Variants in SHC3 observed in about 807,000 individuals in gnomAD.
The protein encoded by SHC3 is SHC adaptor protein 3.
SHC3 carries 15 observed loss-of-function variants against 60.4 expected under a neutral mutation model. The observed-to-expected ratio is 0.25, with a 90% CI of 0.17 to 0.38. The LOEUF (loss-of-function observed/expected upper bound fraction) is 0.38, where lower values mean the gene tolerates loss of function less well. SHC3 is among the 10% of genes least tolerant of loss of function. SHC3 has a pLI of 1.00. For synonymous variants in SHC3, 294 were observed against 325.9 expected, an observed-to-expected ratio of 0.90 and a Z score of 1.05; for missense variants, 677 against 786.1, an observed-to-expected ratio of 0.86 and a Z score of 1.66.
intron 11 of SHC3, among the ~76,000 whole-genome samples, chr9:89,029,456 G>A (rs1467575562): frequency 3.9e-5 from 6 of 152,126 alleles, no homozygotes; most frequent in Non-Finnish European, 1.5e-5. Flanking sequence ...TTAATCAAAA[G>A]TGACTGAAAA....
chr9:89,162,542 G>A (rs1194461863), intron 1 of SHC3, among the ~76,000 whole-genome samples: 2 of 152,192 alleles, frequency 1.3e-5, no homozygotes. Flanking sequence ...CTAGCCATAT[G>A]TAGAAAGCTG....
At chr9:89,027,703 G>A (rs7043366) in intron 11 of SHC3, among the ~76,000 whole-genome samples, 6,064 of 152,260 alleles carry the variant, frequency 0.04, 205 homozygotes, top group African/African-American at 0.094. Flanking sequence ...AAAAAGGACA[G>A]TGCAGGAATT....
At chr9:89,094,548 T>G (rs1260034846) in intron 2 of SHC3, among the ~76,000 whole-genome samples, 1 of 152,232 alleles carries the variant, frequency 6.6e-6, no homozygotes, top group Non-Finnish European at 1.5e-5. Context: ...ATAGAGTGTT[T>G]ACTAAGTGTC....
intron 1 of SHC3, 99 bp from the exon 2 acceptor site, chr9:89,112,725 T>G (rs1438243897): frequency 1.0e-6 from 1 of 990,168 alleles, no homozygotes; most frequent in Non-Finnish European, 1.4e-6. Context: ...TACACATTTC[T>G]TAAATCACAT....
intron 1 of SHC3, among the ~76,000 whole-genome samples, chr9:89,158,145 T>C (rs1025347149): frequency 1.2e-4 from 18 of 151,974 alleles, no homozygotes; most frequent in Admixed American, 9.8e-4. Flanking sequence ...TTTGGTGCTA[T>C]AAATTTTCCT....
chr9:89,074,948 A>C (rs761150303), intron 4 of SHC3, among the ~76,000 whole-genome samples, 161 bp downstream of exon 4: 2 of 152,122 alleles, frequency 1.3e-5, no homozygotes, highest in Non-Finnish European at 2.9e-5. Flanking sequence ...TTCATTTATC[A>C]TTCTCTTGGT....
intron 1 of SHC3, among the ~76,000 whole-genome samples, chr9:89,139,550 T>G (rs1826363623): frequency 6.6e-6 from 1 of 152,200 alleles, no homozygotes; most frequent in African/African-American, 2.4e-5. Context: ...CAAATACCTA[T>G]GAGTTGTGTC....
chr9:89,061,902 G>A (rs1825096152), intron 6 of SHC3, among the ~76,000 whole-genome samples: 1 of 152,148 alleles, frequency 6.6e-6, no homozygotes, highest in East Asian at 1.9e-4. Flanking sequence ...GTATGTGTAG[G>A]ATTTGGTGCT....
At chr9:89,090,862 G>A (rs1030363730) in intron 2 of SHC3, among the ~76,000 whole-genome samples, 2 of 152,214 alleles carry the variant, frequency 1.3e-5, no homozygotes, top group South Asian at 2.1e-4. Flanking sequence ...GATGCAGAGC[G>A]AAATGAGGAA....
intron 11 of SHC3, among the ~76,000 whole-genome samples, chr9:89,024,939 G>A (rs1826265559): frequency 6.6e-6 from 1 of 152,206 alleles, no homozygotes; most frequent in Non-Finnish European, 1.5e-5. Flanking sequence ...CCCAGGAGGG[G>A]CAGCTGGGGC....
chr9:89,148,381 C>T (rs1023150960), intron 1 of SHC3, among the ~76,000 whole-genome samples: 1 of 152,194 alleles, frequency 6.6e-6, no homozygotes, highest in Non-Finnish European at 1.5e-5. Context: ...CTATTTATAA[C>T]CTCCTGTGAC....
intron 4 of SHC3, among the ~76,000 whole-genome samples, chr9:89,072,279 C>T (rs1043893049): frequency 3.3e-5 from 5 of 152,084 alleles, no homozygotes; most frequent in Non-Finnish European, 7.4e-5. Flanking sequence ...GACAGGGAGG[C>T]CCACCCCGAG....
At chr9:89,173,180 G>A (rs1826894502) in intron 1 of SHC3, among the ~76,000 whole-genome samples, 1 of 152,244 alleles carries the variant, frequency 6.6e-6, no homozygotes, top group Non-Finnish European at 1.5e-5. Context: ...TGGCGGTGGA[G>A]CTGCAGCCCA....
At chr9:89,146,344 G>A (rs972846032) in intron 1 of SHC3, among the ~76,000 whole-genome samples, 9 of 151,202 alleles carry the variant, frequency 6.0e-5, no homozygotes, top group Non-Finnish European at 8.8e-5. Context: ...GTGACGGAGC[G>A]AGACTTTGTC....
intron 1 of SHC3, among the ~76,000 whole-genome samples, chr9:89,166,036 C>G (rs1479379518): frequency 3.3e-5 from 5 of 152,158 alleles, no homozygotes; most frequent in Non-Finnish European, 7.3e-5. Context: ...GTAGGTCTGA[C>G]CTCACACCCC....
chr9:89,166,728 GA>G (rs1269355513), intron 1 of SHC3, among the ~76,000 whole-genome samples: 14 of 152,290 alleles, frequency 9.2e-5, no homozygotes, highest in Admixed American at 5.2e-4. Context: ...AAGTGGGAAG[GA>G]AAGGATGCGC....
At chr9:89,099,167 T>A (rs552237207) in intron 2 of SHC3, among the ~76,000 whole-genome samples, 9 of 152,330 alleles carry the variant, frequency 5.9e-5, no homozygotes, top group African/African-American at 1.4e-4. Context: ...ATTTTATGTT[T>A]CACAAGTAAA....
At chr9:89,113,697 G>A (rs907742684) in intron 1 of SHC3, among the ~76,000 whole-genome samples, 6 of 152,036 alleles carry the variant, frequency 3.9e-5, no homozygotes, top group African/African-American at 1.2e-4. Context: ...TGCAGACTCG[G>A]GGGATTACCA....
At chr9:89,143,957 G>T (rs749370369) in intron 1 of SHC3, among the ~76,000 whole-genome samples, 29 of 152,164 alleles carry the variant, frequency 1.9e-4, no homozygotes, top group Non-Finnish European at 3.5e-4. Context: ...CTTCTTGGGG[G>T]CCTTAGGGTG....
Sources: gnomAD v4.1 joint callset for allele counts (sites outside exome capture counted in the v4.1 genomes callset) on GRCh38, gnomAD v4.1.1 for gene constraint, MANE v1.5 for transcripts, NCBI Gene and HGNC (gene_info 2026-07-23, HGNC 2026-07-21) for gene names.